Variants in PTPRG observed in about 807,000 individuals in gnomAD.
The protein encoded by PTPRG is protein tyrosine phosphatase receptor type G, also known as receptor-type tyrosine-protein phosphatase gamma.
A neutral mutation model predicts 165.3 loss-of-function variants in PTPRG; 102 were observed. That is an observed-to-expected ratio of 0.62 (90% CI 0.53 to 0.73). The LOEUF is 0.73. PTPRG is among the 30% of genes least tolerant of loss of function. The probability of loss-of-function intolerance (pLI) is 0.00; values close to 1 mark genes in which losing one functional copy is unlikely to be tolerated. For missense variants in PTPRG, 1,866 were observed against 1,861.4 expected (o/e 1.00, Z -0.05); for synonymous variants, 675 against 669.5 (o/e 1.01, Z -0.13).
intron 5 of PTPRG, among the ~76,000 whole-genome samples, chr3:62,120,954 G>C (rs548901130): frequency 6.6e-6 from 1 of 150,642 alleles, no homozygotes; most frequent in Non-Finnish European, 1.5e-5. Flanking sequence ...ATAGCTATAG[G>C]TTTTTTTTCA....
chr3:62,278,645 T>A (rs181010015), intron 26 of PTPRG, among the ~76,000 whole-genome samples: 4 of 152,170 alleles, frequency 2.6e-5, no homozygotes, highest in Admixed American at 2.6e-4. Flanking sequence ...CTTGGTGACA[T>A]GCATTTGACT....
At chr3:61,952,082 C>T (rs1432523328) in intron 2 of PTPRG, among the ~76,000 whole-genome samples, 1 of 136,210 alleles carries the variant, frequency 7.3e-6, no homozygotes, top group Non-Finnish European at 1.5e-5. Context: ...CACGCCACAG[C>T]ACTGCAGCCT....
intron 2 of PTPRG, among the ~76,000 whole-genome samples, chr3:61,886,123 C>T (rs1038613436): frequency 2.6e-5 from 4 of 152,062 alleles, no homozygotes; most frequent in African/African-American, 9.7e-5. Flanking sequence ...AGTTATCCCA[C>T]AGTTTAGATA....
intron 4 of PTPRG, among the ~76,000 whole-genome samples, chr3:62,055,053 A>G (rs780359150): frequency 1.3e-5 from 2 of 152,180 alleles, no homozygotes; most frequent in Non-Finnish European, 2.9e-5. Context: ...AGGTAGAATT[A>G]TATCTCAAGT....
At chr3:62,200,639 A>G (rs1250675467) in intron 10 of PTPRG, among the ~76,000 whole-genome samples, 1 of 152,164 alleles carries the variant, frequency 6.6e-6, no homozygotes, top group Admixed American at 6.5e-5. Flanking sequence ...ATTTTTTTCT[A>G]AGTTATATTG....
chr3:62,042,438 T>G (rs1700158225), intron 4 of PTPRG, among the ~76,000 whole-genome samples: 1 of 152,216 alleles, frequency 6.6e-6, no homozygotes, highest in Non-Finnish European at 1.5e-5. Flanking sequence ...GATTTTCTGA[T>G]CTTCTGACAG....
chr3:61,573,546 T>C (rs980624412), intron 1 of PTPRG, among the ~76,000 whole-genome samples: 2 of 152,242 alleles, frequency 1.3e-5, no homozygotes, highest in African/African-American at 2.4e-5. Flanking sequence ...TTTTAGTACA[T>C]GTTCATTAAG....
chr3:61,720,711 C>T (rs1026568431), intron 1 of PTPRG, among the ~76,000 whole-genome samples: 8 of 152,136 alleles, frequency 5.3e-5, no homozygotes, highest in Non-Finnish European at 8.8e-5. Flanking sequence ...GCAAAGTACA[C>T]ATTGATTGAG....
At chr3:62,292,616 T>C (rs1022668016) in intron 29 of PTPRG, 60 bp downstream of exon 29, 7 of 1,572,126 alleles carry the variant, frequency 4.5e-6, no homozygotes, top group Non-Finnish European at 6.1e-6. Context: ...AGACTCACAG[T>C]TTAGAGCAGT....
chr3:61,796,336 A>C (rs1372929362), intron 2 of PTPRG, among the ~76,000 whole-genome samples: 1 of 152,208 alleles, frequency 6.6e-6, no homozygotes, highest in South Asian at 2.1e-4. Context: ...GCCCTGCAGC[A>C]AAGATTATTG....
chr3:62,167,365 A>C (rs924412257), intron 7 of PTPRG, among the ~76,000 whole-genome samples: 26 of 152,190 alleles, frequency 1.7e-4, no homozygotes, highest in Non-Finnish European at 3.4e-4. Flanking sequence ...AGATGCCAAG[A>C]ATTAAATCCC....
rs183638599 is a variant in PTPRG at position 61,943,412 on chromosome 3, G to A, written c.191-46213G>A. 3.0e-4 allele frequency among the ~76,000 whole-genome samples: 46 copies of A among 152,232 alleles called. No individual in the cohort carries two copies. The East Asian group carries it at 4.5e-3, about 15-fold the overall frequency. On this transcript the variant is annotated intron_variant, in intron 2 of 29. Transcript: ENST00000474889. ...TCGAGACCAGCCTGGCCAACATGGC[G>A]CAACTCCGTCTCTACTAAAAAATAT...
intron 15 of PTPRG, among the ~76,000 whole-genome samples, chr3:62,249,798 G>T (rs1158194572): frequency 1.3e-5 from 2 of 152,130 alleles, no homozygotes; most frequent in Non-Finnish European, 2.9e-5. Flanking sequence ...CAAAGCCAAA[G>T]AATATCATTT....
intron 2 of PTPRG, among the ~76,000 whole-genome samples, chr3:61,952,543 A>G (rs1365321827): frequency 7.2e-5 from 11 of 152,136 alleles, no homozygotes; most frequent in Admixed American, 7.2e-4. Flanking sequence ...GCTCAAATTG[A>G]TATTTCTGGC....
chr3:61,967,767 T>A (rs2040302933), intron 2 of PTPRG, among the ~76,000 whole-genome samples: 1 of 152,234 alleles, frequency 6.6e-6, no homozygotes. Context: ...TTTACTATTG[T>A]TGCAGTAAAA....
intron 6 of PTPRG, among the ~76,000 whole-genome samples, chr3:62,133,441 A>G (rs1394719927): frequency 6.6e-6 from 1 of 152,222 alleles, no homozygotes; most frequent in Non-Finnish European, 1.5e-5. Flanking sequence ...AGCTGTGATA[A>G]AACATCTTCA....
At chr3:62,047,910 G>A (rs1328100280) in intron 4 of PTPRG, among the ~76,000 whole-genome samples, 3 of 152,128 alleles carry the variant, frequency 2.0e-5, no homozygotes, top group African/African-American at 7.2e-5. Flanking sequence ...AGCCAGCACA[G>A]TTATTTAGCT....
intron 1 of PTPRG, among the ~76,000 whole-genome samples, chr3:61,732,250 T>A (rs1305365876): frequency 6.6e-6 from 1 of 152,212 alleles, no homozygotes; most frequent in Non-Finnish European, 1.5e-5. Flanking sequence ...GATGAGATAT[T>A]TTGCCTTTTT....
intron 2 of PTPRG, among the ~76,000 whole-genome samples, chr3:61,878,701 A>C (rs1350299940): frequency 6.6e-6 from 1 of 151,940 alleles, no homozygotes; most frequent in Non-Finnish European, 1.5e-5. Flanking sequence ...ATGAGGTCTT[A>C]CTATGTTGCC....
Sources: allele counts gnomAD v4.1 joint callset (sites outside exome capture counted in the v4.1 genomes callset), GRCh38; gene constraint gnomAD v4.1.1; transcripts MANE v1.5; gene names NCBI Gene and HGNC (gene_info 2026-07-23, HGNC 2026-07-21).